Variants in SPARC observed in about 807,000 individuals in gnomAD.
SPARC encodes basement-membrane protein 40.
Under a neutral mutation model 37.7 loss-of-function variants are expected in SPARC, and 23 were observed. The ratio of observed to expected loss-of-function variants is 0.61; its 90% confidence interval spans 0.44 to 0.87. The LOEUF (loss-of-function observed/expected upper bound fraction) is 0.87. Ranked by LOEUF, SPARC falls within the 40% of genes least tolerant of loss-of-function variation. SPARC has a pLI of 0.00. For synonymous variants in SPARC, 155 were observed against 150.8 expected (o/e 1.03, Z -0.20); for missense variants, 312 against 389.0 (o/e 0.80, Z 1.66).
At position 151,666,424 on chromosome 5, in the gene SPARC, T is replaced by C. The variant is rs771027808; in HGVS notation, c.671A>G (p.Tyr224Cys). 2 of 1,614,118 alleles carry C rather than the reference T, an allele frequency of 1.2e-6. No individual in the cohort carries two copies. The highest frequency in any genetic ancestry group is 1.7e-6 in the Non-Finnish European group (2 of 1,180,042). ...ELLARDFEKN[Y>C]NMYIFPVHWQ... ...GTGTACAGGGAAGATGTACATGTTA[T>C]AGTTCTTCTCGAAGTCCCGGGCCAG... The change falls in exon 8 of 10, where the codon TAT (tyrosine) becomes TGT (cysteine). Residue 224 changes from tyrosine (Y) to cysteine (C), a missense_variant. Physicochemically the swap from Tyr to Cys is radical, Grantham distance 194. Transcript: ENST00000231061.
At chr5:151,679,648 C>T (rs571302510) in intron 1 of SPARC, 25 of 152,508 alleles carry the variant, frequency 1.6e-4, no homozygotes, top group African/African-American at 5.3e-4. Context: ...CCTTTATTTG[C>T]TCTGGAGACT....
At chr5:151,667,756 A>G (rs1317239103) in intron 6 of SPARC, 156 bp from the exon 7 acceptor site, 9 of 770,574 alleles carry the variant, frequency 1.2e-5, no homozygotes, top group Non-Finnish European at 1.9e-5. Flanking sequence ...CAATGAGCAG[A>G]GGAGATTATG....
intron 1 of SPARC, among the ~76,000 whole-genome samples, chr5:151,684,461 A>G (rs1237568093): frequency 6.6e-6 from 1 of 150,926 alleles, no homozygotes; most frequent in Non-Finnish European, 1.5e-5. Flanking sequence ...TCCTACATAG[A>G]GGGCACAACA....
chr5:151,663,886 G>A (rs1760566468), intron 9 of SPARC, among the ~76,000 whole-genome samples: 1 of 152,248 alleles, frequency 6.6e-6, no homozygotes, highest in South Asian at 2.1e-4. Flanking sequence ...GGAAGGGAAA[G>A]AGAGAGGGAC....
In SPARC at chr5:151,661,212, G is replaced by A. The variant is rs1393415173; in HGVS notation, c.*2359C>T. The A allele has an allele frequency of 2.0e-5, 3 of 152,186 alleles. No homozygotes were observed. The highest frequency in any genetic ancestry group is 4.4e-5 in the Non-Finnish European group (3 of 68,038). The allele number at this position is 152,186 out of a possible 1,614,324, so 9.4% of individuals were successfully genotyped here. A position where few individuals can be genotyped will look rare whatever the true frequency, so the allele number is the denominator to read the frequency against. ...TGTTAGAAAGCTCCAGGGGAGCAAG[G>A]ATCACGCACGCTGCCTACTCATAAG... is the stretch of plus-strand genomic sequence containing the variant. On this transcript the variant is annotated 3_prime_UTR_variant, in exon 10 of 10. Coordinates refer to ENST00000231061, the MANE Select transcript of SPARC (RefSeq NM_003118.4).
rs1760548422 is a variant in SPARC at position 151,663,224 on chromosome 5, A to G, written c.*347T>C. ...CTGACTCGGTAAGTATTAGTTTCAA[A>G]CAGAACACTAAAGAGAAAAGTTGAA... is the stretch of plus-strand genomic sequence containing the variant. On this transcript the variant is annotated 3_prime_UTR_variant, in exon 10 of 10. Coordinates refer to ENST00000231061, the MANE Select transcript of SPARC (RefSeq NM_003118.4). The G allele has an allele frequency of 4.1e-6, 1 of 242,284 alleles. No individual in the cohort carries two copies. Among genetic ancestry groups the G allele is most frequent in the South Asian group, 7.7e-5 (1 of 12,970 alleles). The allele number at this position is 242,284 out of a possible 1,614,324, so 15.0% of individuals were successfully genotyped here. A position where few individuals can be genotyped will look rare whatever the true frequency, so the allele number is the denominator to read the frequency against.
At position 151,666,366 on chromosome 5, in the gene SPARC, A is replaced by G; in HGVS notation, c.729T>C (p.Ile243=). The G allele has an allele frequency of 6.2e-7, 1 of 1,613,802 alleles. No individual in the cohort carries two copies. The change falls in exon 8 of 10, where the codon ATT becomes ATC. Residue 243 remains isoleucine, a synonymous_variant. Transcript: ENST00000231061. ...WQFGQLDQHP[I]DGYLSHTELA... ...TCTAGGGTCTGGGGTCTTACCCGTC[A>G]ATGGGGTGCTGGTCCAGCTGGCCGA...
intron 1 of SPARC, among the ~76,000 whole-genome samples, chr5:151,682,262 GC>G (rs1314862358): frequency 6.6e-6 from 1 of 152,194 alleles, no homozygotes; most frequent in Non-Finnish European, 1.5e-5. Context: ...GCTGGAATCA[GC>G]CCGAGATTCC....
intron 4 of SPARC, 197 bp downstream of exon 4, chr5:151,672,932 C>A (rs1261830475): frequency 3.5e-6 from 2 of 578,460 alleles, no homozygotes; most frequent in Non-Finnish European, 6.2e-6. Context: ...GCCTGGAAAC[C>A]GATCTTGCCC....
chr5:151,666,495 A>G lies in SPARC; in HGVS notation c.600T>C (p.His200=), dbSNP rs772163430. The part of the protein sequence containing the change: ...EKQKLRVKKI[H]ENEKRLEAGD... Reference sequence around the variant, plus strand: ...CTGCCTCCAGGCGCTTCTCATTCTCATGGATCTTCTTCACCTGAGGGAGTA... The same window carrying G: ...CTGCCTCCAGGCGCTTCTCATTCTCGTGGATCTTCTTCACCTGAGGGAGTA... The change falls in exon 8 of 10, where the codon CAT becomes CAC. Residue 200 remains histidine (H), a synonymous_variant. Coordinates refer to ENST00000231061, the MANE Select transcript of SPARC (RefSeq NM_003118.4). 1.2e-6 allele frequency: 2 copies of G among 1,613,828 alleles called. No homozygotes were observed. The highest frequency in any genetic ancestry group is 1.1e-5 in the South Asian group (1 of 91,044).
chr5:151,681,930 G>T (rs1216920284), intron 1 of SPARC, among the ~76,000 whole-genome samples: 1 of 152,170 alleles, frequency 6.6e-6, no homozygotes, highest in Non-Finnish European at 1.5e-5. Context: ...GATAAAAGTG[G>T]AGTGGAGCTG....
At chr5:151,666,936 A>G (rs1308607737) in intron 7 of SPARC, among the ~76,000 whole-genome samples, 2 of 152,210 alleles carry the variant, frequency 1.3e-5, no homozygotes, top group African/African-American at 2.4e-5. Flanking sequence ...AGGCAGGGGA[A>G]TCACTTGAAC....
intron 1 of SPARC, among the ~76,000 whole-genome samples, chr5:151,684,832 G>C (rs1238481361): frequency 6.6e-6 from 1 of 152,088 alleles, no homozygotes; most frequent in East Asian, 1.9e-4. Context: ...TTAGTTCAAG[G>C]TCAAATGGTA....
intron 7 of SPARC, among the ~76,000 whole-genome samples, chr5:151,666,973 G>A (rs573059991): frequency 2.1e-4 from 32 of 152,274 alleles, no homozygotes; most frequent in African/African-American, 4.1e-4. Flanking sequence ...GCAGTGAACC[G>A]AGATCGCACC....
At position 151,667,516 on chromosome 5, in the gene SPARC, T is replaced by A; in HGVS notation, c.536A>T (p.Tyr179Phe). The A allele has an allele frequency of 6.2e-7, 1 of 1,614,150 alleles. No individual in the cohort carries two copies. Among genetic ancestry groups the A allele is most frequent in the Non-Finnish European group, 8.5e-7 (1 of 1,180,004 alleles). Residue 179 changes from tyrosine (Y) to phenylalanine (F), a missense_variant, in exon 7 of 10, where the codon TAT becomes TTT. By Grantham distance (22) the Tyr-to-Phe change is conservative. Transcript: ENST00000231061. ...AAGGTTGTTGTCCTCATCCCTCTCA[T>A]ACAGGGTGACCAGGACGTTCTTGAG... is the stretch of plus-strand genomic sequence containing the variant. ...DWLKNVLVTL[Y>F]ERDEDNNLLT...
chr5:151,684,393 A>G (rs1342985864), intron 1 of SPARC, among the ~76,000 whole-genome samples: 2 of 150,232 alleles, frequency 1.3e-5, no homozygotes, highest in Non-Finnish European at 3.0e-5. Context: ...TCCCAATGTC[A>G]GGCACTGGGA....
chr5:151,669,516 C>A (rs1760700791), intron 6 of SPARC, 148 bp downstream of exon 6: 6 of 963,080 alleles, frequency 6.2e-6, no homozygotes, highest in Non-Finnish European at 9.1e-6. Context: ...AGACAATTAC[C>A]TCATTTTATA....
At chr5:151,672,401 A>G (rs902742539) in intron 4 of SPARC, among the ~76,000 whole-genome samples, 1 of 152,020 alleles carries the variant, frequency 6.6e-6, no homozygotes, top group Non-Finnish European at 1.5e-5. Flanking sequence ...TTGTCTGAAA[A>G]CTTCCCGGCA....
At chr5:151,674,079 T>C (rs1294987293) in intron 3 of SPARC, among the ~76,000 whole-genome samples, 6 of 151,928 alleles carry the variant, frequency 3.9e-5, no homozygotes, top group Non-Finnish European at 8.8e-5. Flanking sequence ...TGGCGAGATC[T>C]TGGCTAACTG....
Sources: allele counts gnomAD v4.1 joint callset (sites outside exome capture counted in the v4.1 genomes callset), GRCh38; gene constraint gnomAD v4.1.1; transcripts MANE v1.5; gene names NCBI Gene and HGNC (gene_info 2026-07-23, HGNC 2026-07-21).